Variants in OPRM1 observed in about 807,000 individuals in gnomAD.
OPRM1 encodes the protein mu-type opioid receptor.
OPRM1 carries 27 observed loss-of-function variants against 31.8 expected under a neutral mutation model. The ratio of observed to expected loss-of-function variants is 0.85; its 90% confidence interval spans 0.63 to 1.17. The LOEUF (loss-of-function observed/expected upper bound fraction) is 1.17. Among genes scored for constraint, OPRM1 ranks in the 50% most tolerant of loss-of-function variants. OPRM1 has a pLI of 0.00. For missense variants in OPRM1, 536 were observed against 511.1 expected (o/e 1.05, Z -0.47); for synonymous variants, 196 against 189.9 (o/e 1.03, Z -0.26).
At chr6:154,219,275 G>A (rs1778654459) in intron 3 of OPRM1, 1 of 152,138 alleles carries the variant, frequency 6.6e-6, no homozygotes, top group South Asian at 2.1e-4. Context: ...AAAGCACTGA[G>A]AAGCAATTGT....
chr6:154,169,576 C>A (rs750206469), intron 3 of OPRM1, among the ~76,000 whole-genome samples: 4 of 152,180 alleles, frequency 2.6e-5, no homozygotes, highest in Non-Finnish European at 4.4e-5. Context: ...ATGTCCTTCC[C>A]AGAACTACCC....
intron 3 of OPRM1, among the ~76,000 whole-genome samples, chr6:154,107,300 C>A (rs1354206231): frequency 6.6e-6 from 1 of 152,170 alleles, no homozygotes; most frequent in Non-Finnish European, 1.5e-5. Flanking sequence ...TAATAAAGTT[C>A]TTTTAGAATT....
chr6:154,070,533 C>T (rs1404831886), intron 1 of OPRM1, among the ~76,000 whole-genome samples: 2 of 152,174 alleles, frequency 1.3e-5, no homozygotes, highest in Admixed American at 6.5e-5. Flanking sequence ...CAATGCCTGG[C>T]ATTCAACAAA....
intron 3 of OPRM1, among the ~76,000 whole-genome samples, chr6:154,226,381 T>A (rs890928935): frequency 5.9e-5 from 9 of 152,246 alleles, no homozygotes; most frequent in African/African-American, 1.9e-4. Context: ...ATTATCTTAC[T>A]CCATAAAATG....
Position 154,078,989 on chromosome 6 carries a change from G to A in OPRM1, c.291-10837G>A, listed in dbSNP as rs537341751. Among the ~76,000 whole-genome samples, 9 of 152,338 alleles carry A rather than the reference G, an allele frequency of 5.9e-5. No individual in the cohort carries two copies. The South Asian group carries it at 1.7e-3, about 28-fold the overall frequency. On this transcript the variant is annotated intron_variant, in intron 1 of 3. Coordinates refer to ENST00000330432, the MANE Select transcript of OPRM1 (RefSeq NM_000914.5). ...AATGTTGATGTTCCTGCCACACAGAGAGGAAGAGAGGAGAGAGGAAAACGT... is the reference window on the plus strand; with the variant it reads ...AATGTTGATGTTCCTGCCACACAGAAAGGAAGAGAGGAGAGAGGAAAACGT...
intron 3 of OPRM1, among the ~76,000 whole-genome samples, chr6:154,189,377 A>G (rs1801663360): frequency 6.6e-6 from 1 of 152,226 alleles, no homozygotes; most frequent in African/African-American, 2.4e-5. Flanking sequence ...TTCCATTTCC[A>G]GGTGTATACC....
intron 3 of OPRM1, among the ~76,000 whole-genome samples, chr6:154,169,099 G>C (rs922382606): frequency 6.7e-6 from 1 of 149,954 alleles, no homozygotes; most frequent in South Asian, 2.3e-4. Flanking sequence ...GGTGGCTCAC[G>C]CCTGTAATCC....
chr6:154,049,324 G>A (rs1490747809), intron 1 of OPRM1, among the ~76,000 whole-genome samples: 1 of 152,102 alleles, frequency 6.6e-6, no homozygotes, highest in Admixed American at 6.5e-5. Context: ...TGAAAAATGT[G>A]GCAATAAATA....
chr6:154,147,448 C>G (rs144782139), intron 3 of OPRM1, among the ~76,000 whole-genome samples: 1 of 152,144 alleles, frequency 6.6e-6, no homozygotes, highest in African/African-American at 2.4e-5. Context: ...CCTTCACTTG[C>G]GTTTCTGCTG....
chr6:154,198,623 A>ATAT (rs1269775116), intron 3 of OPRM1, among the ~76,000 whole-genome samples: 1 of 104,878 alleles, frequency 9.5e-6, no homozygotes, highest in Non-Finnish European at 2.0e-5. Flanking sequence ...TACTTTTAAA[A>ATAT]TATTACATAC....
At chr6:154,080,322 G>A (rs1788806432) in intron 1 of OPRM1, among the ~76,000 whole-genome samples, 1 of 152,214 alleles carries the variant, frequency 6.6e-6, no homozygotes, top group Admixed American at 6.5e-5. Context: ...CAAGAATCCT[G>A]ATAAATTGTA....
At chr6:154,021,385 C>T (rs1181680788) in intron 1 of OPRM1, among the ~76,000 whole-genome samples, 10 of 152,058 alleles carry the variant, frequency 6.6e-5, no homozygotes, top group East Asian at 3.9e-4. Flanking sequence ...GTCTTGAAGT[C>T]GAATAGTGAC....
At chr6:154,045,622 A>G (rs1780970871) in intron 1 of OPRM1, among the ~76,000 whole-genome samples, 1 of 152,130 alleles carries the variant, frequency 6.6e-6, no homozygotes, top group African/African-American at 2.4e-5. Flanking sequence ...TGCCCACCTC[A>G]TGTCCTTCAC....
chr6:154,055,356 C>A (rs1783039603), intron 1 of OPRM1, among the ~76,000 whole-genome samples: 1 of 151,872 alleles, frequency 6.6e-6, no homozygotes, highest in Non-Finnish European at 1.5e-5. Context: ...CCACTGCACT[C>A]CAGTCTGGGT....
intron 3 of OPRM1, among the ~76,000 whole-genome samples, chr6:154,196,897 A>G (rs1173978496): frequency 6.6e-6 from 1 of 152,210 alleles, no homozygotes; most frequent in African/African-American, 2.4e-5. Flanking sequence ...GAGTATTTAA[A>G]TTCAGCATAA....
chr6:154,092,592 A>G (rs777641272), intron 3 of OPRM1, among the ~76,000 whole-genome samples: 5 of 152,184 alleles, frequency 3.3e-5, no homozygotes, highest in Admixed American at 6.5e-5. Context: ...GGCCTTTGCC[A>G]CCACAGGGTG....
At chr6:154,184,635 T>C (rs531425624) in intron 3 of OPRM1, among the ~76,000 whole-genome samples, 1 of 152,256 alleles carries the variant, frequency 6.6e-6, no homozygotes, top group African/African-American at 2.4e-5. Flanking sequence ...ATTGTAGGCA[T>C]AGTGCCTATA....
chr6:154,181,140 C>T (rs1349155862), intron 3 of OPRM1, among the ~76,000 whole-genome samples: 1 of 151,918 alleles, frequency 6.6e-6, no homozygotes, highest in Admixed American at 6.6e-5. Context: ...TACAACATAG[C>T]AAAAGATTTG....
intron 3 of OPRM1, chr6:154,156,723 G>C (rs1231183660): frequency 6.6e-6 from 1 of 152,176 alleles, no homozygotes; most frequent in Non-Finnish European, 1.5e-5. Flanking sequence ...GATTTGAGCT[G>C]TTGTGGCAAA....
Sources: gnomAD v4.1 joint callset for allele counts (sites outside exome capture counted in the v4.1 genomes callset) on GRCh38, gnomAD v4.1.1 for gene constraint, MANE v1.5 for transcripts, NCBI Gene and HGNC (gene_info 2026-07-23, HGNC 2026-07-21) for gene names.